The following SAMD4A variants were observed in gnomAD, a reference collection of about 807,000 sequenced individuals.
The protein encoded by SAMD4A is sterile alpha motif domain containing 4A, also known as protein Smaug homolog 1.
Under a neutral mutation model 81.3 loss-of-function variants are expected in SAMD4A, and 33 were observed. The ratio of observed to expected loss-of-function variants is 0.41; its 90% CI spans 0.31 to 0.54. SAMD4A has a LOEUF of 0.54. SAMD4A is among the 20% of genes least tolerant of loss of function. The pLI is 0.37. For missense variants in SAMD4A, 854 were observed against 951.1 expected, an observed-to-expected ratio of 0.90 and a Z score of 1.34; for synonymous variants, 389 against 382.1, an observed-to-expected ratio of 1.02 and a Z score of -0.21.
intron 3 of SAMD4A, among the ~76,000 whole-genome samples, chr14:54,718,272 A>G (rs972470795): frequency 6.6e-6 from 1 of 152,250 alleles, no homozygotes; most frequent in Admixed American, 6.5e-5. Flanking sequence ...AACACAAGGA[A>G]TGAATGCTTT....
intron 3 of SAMD4A, among the ~76,000 whole-genome samples, chr14:54,719,672 G>A (rs912591540): frequency 6.6e-6 from 1 of 152,178 alleles, no homozygotes; most frequent in African/African-American, 2.4e-5. Flanking sequence ...ATGGTGGCGT[G>A]AGACTGACCT....
At position 54,606,213 on chromosome 14, in the gene SAMD4A, GCGTGCA is replaced by G. The variant is rs1555335556; in HGVS notation, c.196+38118_196+38123del. Among the ~76,000 whole-genome samples the G allele has an allele frequency of 9.2e-4, 133 of 144,510 alleles. 1 individual carries two copies. The highest frequency in any genetic ancestry group is 3.5e-3 in the African/African-American group (124 of 35,562). 94.8% of individuals were successfully genotyped at this position (144,510 alleles called of 152,430 possible). ...TGTGTGTGTGTGTGTGTGTGTGTGTGCGTGCACGTGCACGTGCACGTGTGCGCTCAT... is the reference window on the plus strand; with the variant it reads ...TGTGTGTGTGTGTGTGTGTGTGTGTGCGTGCACGTGCACGTGTGCGCTCAT... On this transcript the variant is annotated intron_variant, in intron 2 of 12. Coordinates refer to ENST00000554335, the MANE Select transcript of SAMD4A (RefSeq NM_015589.6).
chr14:54,775,785 A>C (rs2038828218), intron 10 of SAMD4A, among the ~76,000 whole-genome samples: 1 of 152,068 alleles, frequency 6.6e-6, no homozygotes, highest in South Asian at 2.1e-4. Flanking sequence ...CTCAGGAGAA[A>C]CTAAGGGATG....
intron 2 of SAMD4A, among the ~76,000 whole-genome samples, chr14:54,688,913 G>A (rs549678859): frequency 9.4e-5 from 14 of 148,692 alleles, no homozygotes; most frequent in Non-Finnish European, 3.0e-5. Flanking sequence ...TATAGAGAGG[G>A]TCCCAGAAGT....
At chr14:54,755,407 G>A (rs2038212516) in intron 6 of SAMD4A, among the ~76,000 whole-genome samples, 1 of 152,194 alleles carries the variant, frequency 6.6e-6, no homozygotes, top group South Asian at 2.1e-4. Flanking sequence ...CATCATGTGA[G>A]TGTAACTGAT....
At chr14:54,671,146 C>G (rs374719717) in intron 2 of SAMD4A, among the ~76,000 whole-genome samples, 18 of 152,148 alleles carry the variant, frequency 1.2e-4, no homozygotes, top group African/African-American at 4.1e-4. Flanking sequence ...ATGGTTAGAT[C>G]GTAAGAGAAA....
chr14:54,597,165 G>A (rs1461897454), intron 2 of SAMD4A, among the ~76,000 whole-genome samples: 3 of 151,656 alleles, frequency 2.0e-5, no homozygotes, highest in African/African-American at 7.3e-5. Context: ...TCCTATGTGG[G>A]TACAATCTGC....
At chr14:54,775,796 ACAGATC>A (rs1298132401) in intron 10 of SAMD4A, among the ~76,000 whole-genome samples, 1 of 152,114 alleles carries the variant, frequency 6.6e-6, no homozygotes, top group African/African-American at 2.4e-5. Context: ...CTAAGGGATG[ACAGATC>A]AGCTTAAAAA....
intron 2 of SAMD4A, among the ~76,000 whole-genome samples, chr14:54,612,397 C>A (rs1420765540): frequency 6.6e-6 from 1 of 152,026 alleles, no homozygotes; most frequent in African/African-American, 2.4e-5. Flanking sequence ...CTCTTTCCTG[C>A]TTGATAGAGT....
intron 2 of SAMD4A, among the ~76,000 whole-genome samples, chr14:54,652,316 C>T (rs1193046989): frequency 2.0e-5 from 3 of 152,128 alleles, no homozygotes; most frequent in African/African-American, 4.8e-5. Context: ...GATCTAAAAG[C>T]GAAAGAATGT....
At chr14:54,657,378 G>T (rs61976964) in intron 2 of SAMD4A, among the ~76,000 whole-genome samples, 4 of 152,108 alleles carry the variant, frequency 2.6e-5, no homozygotes, top group Non-Finnish European at 1.5e-5. Flanking sequence ...TCAAGGACAG[G>T]TGTTTATTCC....
chr14:54,628,537 A>T, intron 2 of SAMD4A, among the ~76,000 whole-genome samples: 1 of 152,182 alleles, frequency 6.6e-6, no homozygotes, highest in East Asian at 1.9e-4. Flanking sequence ...CTATAAAAAT[A>T]AAGCATGCTC....
chr14:54,665,030 C>G (rs1016830034), intron 2 of SAMD4A, among the ~76,000 whole-genome samples: 3 of 152,008 alleles, frequency 2.0e-5, no homozygotes, highest in African/African-American at 7.2e-5. Flanking sequence ...AAACATTTTG[C>G]AAAGACCTTC....
intron 2 of SAMD4A, among the ~76,000 whole-genome samples, chr14:54,600,879 T>G (rs1412036242): frequency 6.6e-6 from 1 of 152,224 alleles, no homozygotes. Context: ...TAGCATTTTA[T>G]CGTATTAGCA....
At chr14:54,670,792 A>G (rs1190897819) in intron 2 of SAMD4A, among the ~76,000 whole-genome samples, 2 of 152,222 alleles carry the variant, frequency 1.3e-5, no homozygotes, top group Non-Finnish European at 2.9e-5. Context: ...TCCCATGCTC[A>G]TAAGACATAG....
chr14:54,640,840 A>G (rs1410552111), intron 2 of SAMD4A, among the ~76,000 whole-genome samples: 3 of 152,128 alleles, frequency 2.0e-5, no homozygotes, highest in Admixed American at 1.3e-4. Context: ...TTTCCCAACA[A>G]TTACATTCTC....
At chr14:54,757,534 A>G (rs2038279304) in intron 6 of SAMD4A, among the ~76,000 whole-genome samples, 1 of 151,980 alleles carries the variant, frequency 6.6e-6, no homozygotes, top group Non-Finnish European at 1.5e-5. Context: ...CATAACCAAA[A>G]TCTCCTCTCA....
intron 2 of SAMD4A, among the ~76,000 whole-genome samples, chr14:54,628,418 A>G (rs984932301): frequency 6.6e-6 from 1 of 152,160 alleles, no homozygotes; most frequent in Non-Finnish European, 1.5e-5. Context: ...TGGATGAAGA[A>G]TATTTACTGC....
At chr14:54,591,736 A>G (rs1422258601) in intron 2 of SAMD4A, among the ~76,000 whole-genome samples, 3 of 152,116 alleles carry the variant, frequency 2.0e-5, no homozygotes, top group Admixed American at 1.3e-4. Flanking sequence ...TGTAGTGTAT[A>G]TTGTATCATT....
Sources: gnomAD v4.1 joint callset for allele counts (sites outside exome capture counted in the v4.1 genomes callset) on GRCh38, gnomAD v4.1.1 for gene constraint, MANE v1.5 for transcripts, NCBI Gene and HGNC (gene_info 2026-07-23, HGNC 2026-07-21) for gene names.